Variants in QSOX1 observed in about 807,000 individuals in gnomAD.
QSOX1 encodes the protein quiescin sulfhydryl oxidase 1.
QSOX1 carries 40 observed loss-of-function variants against 76.1 expected under a neutral mutation model. That is an observed-to-expected ratio of 0.53 (90% CI 0.41 to 0.68). The LOEUF (loss-of-function observed/expected upper bound fraction) is 0.68, where lower values mean the gene tolerates loss of function less well. Ranked by LOEUF, QSOX1 falls within the 30% of genes least tolerant of loss-of-function variation. The pLI, the probability that QSOX1 is intolerant of heterozygous loss-of-function variation, is 0.00. For synonymous variants in QSOX1, 392 were observed against 413.1 expected (o/e 0.95, Z 0.62); for missense variants, 931 against 974.3 (o/e 0.96, Z 0.59).
intron 7 of QSOX1, 34 bp from the exon 8 acceptor site, chr1:180,186,019 T>G: frequency 6.2e-7 from 1 of 1,611,414 alleles, no homozygotes; most frequent in South Asian, 1.1e-5. Flanking sequence ...TGGTTAATAC[T>G]TCTTTCTCTC....
chr1:180,164,958 A>G (rs1662579351), intron 1 of QSOX1, among the ~76,000 whole-genome samples: 1 of 152,118 alleles, frequency 6.6e-6, no homozygotes, highest in South Asian at 2.1e-4. Context: ...ATTTTAAGCA[A>G]TCAGATCTTA....
At chr1:180,194,003 T>C (rs1266788371) in intron 10 of QSOX1, among the ~76,000 whole-genome samples, 2 of 151,638 alleles carry the variant, frequency 1.3e-5, no homozygotes, top group Admixed American at 1.3e-4. Context: ...TTAGGAGTTT[T>C]GGGGGGATGG....
At chr1:180,175,244 A>T in intron 2 of QSOX1, 77 bp from the exon 3 acceptor site, 1 of 1,397,546 alleles carries the variant, frequency 7.2e-7, no homozygotes, top group Non-Finnish European at 1.0e-6. Context: ...AAGTAGGCAG[A>T]TTTTCAGAGC....
chr1:180,196,700 C>T lies in QSOX1; in HGVS notation c.1907C>T (p.Pro636Leu), dbSNP rs199822437. 63 of 1,613,954 alleles carry T rather than the reference C, an allele frequency of 3.9e-5. No homozygotes were observed. The highest frequency in any genetic ancestry group is 3.3e-4 in the Middle Eastern group (2 of 6,084). ...CTTCAGAGGAATGAGCAGGAGCAGC[C>T]GCTTGGGCAGTGGCACTTGAGCAAG... is the stretch of plus-strand genomic sequence containing the variant. ...AELQRNEQEQ[P>L]LGQWHLSKRD... Residue 636 changes from proline to leucine, a missense_variant, in exon 12 of 12, where the codon CCG becomes CTG. Pro to Leu is a moderately conservative substitution (Grantham distance 98). Transcript: ENST00000367602. This position sits in a 1 kb window ranked among gnomAD's most constrained non-coding sequence, Gnocchi z 4.1.
rs375285118 is a variant in QSOX1 at position 180,166,523 on chromosome 1, G to A, written c.298G>A (p.Asp100Asn). 2.6e-5 allele frequency: 42 copies of A among 1,614,010 alleles called. No individual in the cohort carries two copies. The highest frequency in any genetic ancestry group is 9.3e-6 in the Non-Finnish European group (11 of 1,180,026). Residue 100 changes from aspartate to asparagine, a missense_variant, in exon 2 of 12, where the codon GAC becomes AAC. By Grantham distance (23) the Asp-to-Asn change is conservative (BLOSUM62 1). Coordinates refer to ENST00000367602, the MANE Select transcript of QSOX1 (RefSeq NM_002826.5). Reference sequence around the variant, plus strand: ...GCCGGCCCTGTATCTCGCCGCCCTGGACTGTGCTGAGGAGACCAACAGTGC... The same window carrying A: ...GCCGGCCCTGTATCTCGCCGCCCTGAACTGTGCTGAGGAGACCAACAGTGC... ...WRPALYLAAL[D>N]CAEETNSAVC...
intron 10 of QSOX1, among the ~76,000 whole-genome samples, chr1:180,192,760 C>G (rs552553898): frequency 1.3e-5 from 2 of 152,042 alleles, no homozygotes; most frequent in Non-Finnish European, 2.9e-5. Flanking sequence ...GTCTGGAGTT[C>G]CAGGGAGAGG....
chr1:180,165,092 A>G (rs1662583819), intron 1 of QSOX1, among the ~76,000 whole-genome samples: 1 of 152,234 alleles, frequency 6.6e-6, no homozygotes, highest in South Asian at 2.1e-4. Context: ...CTCGTCTAAC[A>G]TTGGAGATCA....
intron 2 of QSOX1, among the ~76,000 whole-genome samples, chr1:180,170,886 G>A (rs977787057): frequency 2.0e-5 from 3 of 152,192 alleles, no homozygotes; most frequent in Admixed American, 6.5e-5. Context: ...ATAAAATGTC[G>A]TCCTGCTTCC....
intron 7 of QSOX1, among the ~76,000 whole-genome samples, chr1:180,185,538 CA>C (rs948329046): frequency 1.1e-4 from 17 of 152,210 alleles, no homozygotes; most frequent in African/African-American, 4.1e-4. Context: ...GAAAGAAATA[CA>C]GGCCCTGCTT....
rs769612755 is a variant in QSOX1, at chr1:180,185,090, A to C, written c.888-963A>C. Among the ~76,000 whole-genome samples, 21 of 152,154 alleles carry C rather than the reference A, an allele frequency of 1.4e-4. 1 individual carries two copies. The highest frequency in any genetic ancestry group is 2.5e-4 in the Non-Finnish European group (17 of 68,030). The stretch of plus-strand genomic sequence containing the variant: ...CTGGAGGCAGGGCACAGGAATGGAG[A>C]GGTAAACTGAGGCCCAAGGACAGCA... On this transcript the variant is annotated intron_variant, in intron 7 of 11. Transcript: ENST00000367602.
At chr1:180,166,862 C>A (rs1662643022) in intron 2 of QSOX1, among the ~76,000 whole-genome samples, 1 of 152,202 alleles carries the variant, frequency 6.6e-6, no homozygotes, top group African/African-American at 2.4e-5. Flanking sequence ...GGGTCAGACT[C>A]TAGAAGCCTA....
rs1663165315 is a variant in QSOX1 at position 180,186,147 on chromosome 1, G to T, written c.982G>T (p.Val328Leu). 1.2e-6 allele frequency: 2 copies of T among 1,613,916 alleles called. No homozygotes were observed. The highest frequency in any genetic ancestry group is 1.7e-6 in the Non-Finnish European group (2 of 1,179,974). Residue 328 changes from valine (V) to leucine (L), a missense_variant, in exon 8 of 12, where the codon GTG becomes TTG. Coordinates refer to ENST00000367602, the MANE Select transcript of QSOX1 (RefSeq NM_002826.5). ...RFPVLEGQRL[V>L]ALKKFVAVLA... ...CCCGGTCCTGGAAGGGCAGCGCCTG[G>T]TGGCCCTGAAAAAGTTTGTGGCAGT...
At chr1:180,179,214 G>A (rs1036596120) in intron 5 of QSOX1, among the ~76,000 whole-genome samples, 1 of 152,242 alleles carries the variant, frequency 6.6e-6, no homozygotes, top group African/African-American at 2.4e-5. Context: ...CACACAGCTA[G>A]TAAGTTGGTA....
At chr1:180,193,837 G>A (rs1329285026) in intron 10 of QSOX1, among the ~76,000 whole-genome samples, 1 of 152,186 alleles carries the variant, frequency 6.6e-6, no homozygotes, top group Non-Finnish European at 1.5e-5. Context: ...GTGGGCAGGG[G>A]AGGAAGGGCC....
At chr1:180,191,100 G>A (rs994074012) in intron 10 of QSOX1, among the ~76,000 whole-genome samples, 2 of 152,242 alleles carry the variant, frequency 1.3e-5, no homozygotes, top group African/African-American at 2.4e-5. Context: ...CATGTTCTCC[G>A]GCCACGCTGC....
Position 180,174,013 on chromosome 1 carries a change from T to C in QSOX1, c.367-1308T>C, listed in dbSNP as rs114522142. ...CCAGAGCCCGGGGCCTGTTCTCAGC[T>C]GCCAGCTTGGGATAAGGCCAAACAG... is the stretch of plus-strand genomic sequence containing the variant. On this transcript the variant is annotated intron_variant, in intron 2 of 11. Transcript: ENST00000367602. Among the ~76,000 whole-genome samples, 1,095 of 152,342 alleles carry C rather than the reference T, an allele frequency of 7.2e-3. 11 individuals are homozygous for C. Among genetic ancestry groups the C allele is most frequent in the African/African-American group, 0.025 (1,053 of 41,576 alleles).
chr1:180,166,148 G>C (rs932339623), intron 1 of QSOX1, among the ~76,000 whole-genome samples: 1 of 152,092 alleles, frequency 6.6e-6, no homozygotes, highest in African/African-American at 2.4e-5. Flanking sequence ...TTCCTGGGGG[G>C]TGGGGGGCTG....
intron 11 of QSOX1, among the ~76,000 whole-genome samples, chr1:180,195,703 C>T (rs943349060): frequency 2.6e-5 from 4 of 152,188 alleles, no homozygotes; most frequent in Non-Finnish European, 5.9e-5. Context: ...CCACCCCTAC[C>T]CCAGAGGGCT....
chr1:180,194,034 T>C (rs1050609484), intron 10 of QSOX1, among the ~76,000 whole-genome samples, 179 bp from the exon 11 acceptor site: 16 of 151,952 alleles, frequency 1.1e-4, no homozygotes, highest in Admixed American at 8.5e-4. Flanking sequence ...AAAGTGACCA[T>C]GGCAGGTAGA....
Sources: allele counts gnomAD v4.1 joint callset (sites outside exome capture counted in the v4.1 genomes callset), GRCh38; gene constraint gnomAD v4.1.1; non-coding constraint Gnocchi (gnomAD v3.1); transcripts MANE v1.5; gene names NCBI Gene and HGNC (gene_info 2026-07-23, HGNC 2026-07-21).